RGS6: variants seen among roughly 807,000 people sequenced by gnomAD.
RGS6 encodes regulator of G-protein signaling 6.
Under a neutral mutation model 78.5 loss-of-function variants are expected in RGS6, and 30 were observed. The ratio of observed to expected loss-of-function variants is 0.38; its 90% CI spans 0.29 to 0.52. The LOEUF (loss-of-function observed/expected upper bound fraction) is 0.52. Ranked by LOEUF, RGS6 falls within the 20% of genes least tolerant of loss-of-function variation. RGS6 has a pLI of 0.85. For synonymous variants in RGS6, 206 were observed against 206.0 expected, an observed-to-expected ratio of 1.00 and a Z score of 0.00; for missense variants, 495 against 609.7, an observed-to-expected ratio of 0.81 and a Z score of 1.98.
intron 12 of RGS6, among the ~76,000 whole-genome samples, chr14:72,480,738 T>C (rs1008118520): frequency 6.6e-6 from 1 of 152,148 alleles, no homozygotes; most frequent in East Asian, 1.9e-4. Context: ...AGATGCAGGC[T>C]GAGCTCTCTC....
chr14:72,067,148 A>G (rs2094191718), intron 2 of RGS6, among the ~76,000 whole-genome samples: 1 of 152,200 alleles, frequency 6.6e-6, no homozygotes, highest in African/African-American at 2.4e-5. Context: ...TTATAGCAGC[A>G]TGATTTATAA....
At chr14:72,625,742 C>T in the RGS6 span, among the ~76,000 whole-genome samples, 3 of 152,114 alleles carry the variant, frequency 2.0e-5, no homozygotes, top group African/African-American at 7.2e-5. Context: ...TATGTATAAA[C>T]TATATATAAC....
At position 72,221,268 on chromosome 14, in the gene RGS6, G is replaced by T. The variant is rs75960682; in HGVS notation, c.85-130827G>T. The stretch of plus-strand genomic sequence containing the variant: ...CAAAATTTGCATAAAGTTATCCATT[G>T]CTCATCCTAATTTTCTTCCTAACTA... On this transcript the variant is annotated intron_variant, in intron 2 of 17. Transcript: ENST00000553525. Among the ~76,000 whole-genome samples, 350 of 152,218 alleles carry T rather than the reference G, an allele frequency of 2.3e-3. 1 individual carries two copies. Among genetic ancestry groups the T allele is most frequent in the Non-Finnish European group, 3.8e-3 (260 of 68,010 alleles).
intron 1 of RGS6, among the ~76,000 whole-genome samples, chr14:71,955,274 T>A (rs2092697974): frequency 6.6e-6 from 1 of 152,202 alleles, no homozygotes; most frequent in African/African-American, 2.4e-5. Context: ...TGAGCAGTAA[T>A]GTTCTATTAA....
the RGS6 span, among the ~76,000 whole-genome samples, chr14:71,882,544 A>G: frequency 6.6e-6 from 1 of 152,236 alleles, no homozygotes; most frequent in Non-Finnish European, 1.5e-5. Context: ...CTTACAATGA[A>G]GTGCTAGGTG....
At chr14:72,154,608 C>A (rs746540261) in intron 2 of RGS6, among the ~76,000 whole-genome samples, 3 of 152,184 alleles carry the variant, frequency 2.0e-5, no homozygotes, top group Non-Finnish European at 4.4e-5. Context: ...GCTAACCAGG[C>A]TGCATGGGGA....
At chr14:72,196,225 G>A (rs1039938025) in intron 2 of RGS6, among the ~76,000 whole-genome samples, 1 of 152,196 alleles carries the variant, frequency 6.6e-6, no homozygotes, top group Non-Finnish European at 1.5e-5. Context: ...CACTCTTGGG[G>A]TTCTATCTTG....
intron 3 of RGS6, among the ~76,000 whole-genome samples, chr14:72,381,285 A>G (rs2086025749): frequency 6.6e-6 from 1 of 152,096 alleles, no homozygotes; most frequent in African/African-American, 2.4e-5. Context: ...TCAAATAGCT[A>G]GATGGAGAAT....
intron 2 of RGS6, among the ~76,000 whole-genome samples, chr14:72,142,683 A>C (rs1405232629): frequency 1.3e-5 from 2 of 152,240 alleles, no homozygotes; most frequent in Admixed American, 1.3e-4. Context: ...AGTAATGGCC[A>C]TATAATATAA....
At chr14:72,118,167 A>C (rs1024410796) in intron 2 of RGS6, among the ~76,000 whole-genome samples, 9 of 152,042 alleles carry the variant, frequency 5.9e-5, no homozygotes, top group South Asian at 4.2e-4. Flanking sequence ...TTAAAAAAAA[A>C]AACAACAAAA....
At chr14:72,046,434 G>A (rs550304382) in intron 2 of RGS6, among the ~76,000 whole-genome samples, 2 of 152,198 alleles carry the variant, frequency 1.3e-5, no homozygotes, top group Admixed American at 6.5e-5. Context: ...CATCAGTAGA[G>A]CAGAATCTAG....
intron 1 of RGS6, among the ~76,000 whole-genome samples, chr14:71,945,162 A>G (rs991208895): frequency 6.6e-6 from 1 of 152,188 alleles, no homozygotes; most frequent in Admixed American, 6.5e-5. Flanking sequence ...TAGCTAAAAT[A>G]ATAACTCCTG....
At chr14:72,346,026 A>G (rs1201454347) in intron 2 of RGS6, among the ~76,000 whole-genome samples, 2 of 152,214 alleles carry the variant, frequency 1.3e-5, no homozygotes, top group African/African-American at 4.8e-5. Flanking sequence ...GCAGACACCA[A>G]AACAGAAGGG....
chr14:72,522,215 G>T (rs1304681258), intron 15 of RGS6, among the ~76,000 whole-genome samples: 3 of 152,296 alleles, frequency 2.0e-5, no homozygotes, highest in East Asian at 1.9e-4. Flanking sequence ...CCGCCTTCTT[G>T]CTGTGTCCTT....
intron 3 of RGS6, among the ~76,000 whole-genome samples, chr14:72,419,563 G>T (rs1422157285): frequency 1.3e-5 from 2 of 152,196 alleles, no homozygotes; most frequent in Non-Finnish European, 2.9e-5. Context: ...AATACAATGT[G>T]TCTGTGCACA....
intron 3 of RGS6, among the ~76,000 whole-genome samples, chr14:72,386,838 C>T (rs1029399770): frequency 2.6e-5 from 4 of 152,170 alleles, no homozygotes; most frequent in African/African-American, 7.2e-5. Context: ...ACATGCCATT[C>T]ACTTGAAATT....
intron 17 of RGS6, among the ~76,000 whole-genome samples, chr14:72,560,488 G>A (rs980850314): frequency 2.6e-5 from 4 of 152,188 alleles, no homozygotes; most frequent in African/African-American, 9.6e-5. Flanking sequence ...AGTGACAAAT[G>A]CCTCACACTC....
intron 2 of RGS6, among the ~76,000 whole-genome samples, chr14:72,153,233 C>T (rs1421849543): frequency 1.3e-5 from 2 of 152,172 alleles, no homozygotes; most frequent in South Asian, 2.1e-4. Context: ...CTTTTTGGAG[C>T]CCTTTGGAAA....
At chr14:72,599,951 G>A in the RGS6 span, among the ~76,000 whole-genome samples, 3 of 152,120 alleles carry the variant, frequency 2.0e-5, no homozygotes, top group East Asian at 1.9e-4. Flanking sequence ...CAAGGCCTCA[G>A]GGGGACTTCC....
Sources: gnomAD v4.1 joint callset for allele counts (sites outside exome capture counted in the v4.1 genomes callset) on GRCh38, gnomAD v4.1.1 for gene constraint, MANE v1.5 for transcripts, NCBI Gene and HGNC (gene_info 2026-07-23, HGNC 2026-07-21) for gene names.